NPAS4: variants seen among roughly 807,000 people sequenced by gnomAD.
NPAS4 encodes neuronal PAS domain protein 4.
NPAS4 carries 10 observed loss-of-function variants against 64.0 expected under a neutral mutation model. That is an observed-to-expected ratio of 0.16 (90% CI 0.10 to 0.26). The LOEUF (loss-of-function observed/expected upper bound fraction) is 0.26. NPAS4 is among the 10% of genes least tolerant of loss of function. The probability of loss-of-function intolerance (pLI) is 1.00; values close to 1 mark genes in which losing one functional copy is unlikely to be tolerated. For synonymous variants in NPAS4, 441 were observed against 411.7 expected, an observed-to-expected ratio of 1.07 and a Z score of -0.86; for missense variants, 886 against 992.6, an observed-to-expected ratio of 0.89 and a Z score of 1.44.
Position 66,424,020 on chromosome 11 carries a change from G to A in NPAS4, c.1130G>A (p.Ser377Asn), listed in dbSNP as rs770700994. ...GCTCCCAGAAGCACCAGCTTCCCCA[G>A]TGCTCCTGAACTGAGTGTTGTCTCT... ...LGAPRSTSFP[S>N]APELSVVSAS... The change falls in exon 7 of 8, where the codon AGT (serine) becomes AAT (asparagine). Residue 377 changes from serine to asparagine, a missense_variant. Coordinates refer to ENST00000311034, the MANE Select transcript of NPAS4 (RefSeq NM_178864.4). 1 of 1,614,010 alleles carries A rather than the reference G, an allele frequency of 6.2e-7. No individual in the cohort carries two copies. The highest frequency in any genetic ancestry group is 1.1e-5 in the South Asian group (1 of 91,090).
chr11:66,423,768 CA>C, intron 6 of NPAS4, 55 bp downstream of exon 6: 1 of 1,609,918 alleles, frequency 6.2e-7, no homozygotes, highest in East Asian at 2.2e-5. Context: ...GGAGGAGACA[CA>C]AATCAGGGAA....
Position 66,424,470 on chromosome 11 carries a change from C to T in NPAS4, c.1580C>T (p.Ala527Val), listed in dbSNP as rs140732702. ...ATFPEPLGSP[A>V]HEQLTPPSTA... is the part of the protein sequence containing the mutation. Reference sequence around the variant, plus strand: ...TTCCCAGAGCCTCTGGGCAGCCCTGCCCATGAACAGCTGACTCCTCCCAGC... The same window carrying T: ...TTCCCAGAGCCTCTGGGCAGCCCTGTCCATGAACAGCTGACTCCTCCCAGC... The change falls in exon 7 of 8, where the codon GCC becomes GTC. Residue 527 changes from alanine to valine, a missense_variant. Around this residue, in one of 3 missense-constraint regions of NPAS4, gnomAD observed 820 missense variants for 855.5 expected, o/e 0.96. Transcript: ENST00000311034. 1.2e-6 allele frequency: 2 copies of T among 1,614,048 alleles called. No individual in the cohort carries two copies. Among genetic ancestry groups the T allele is most frequent in the Non-Finnish European group, 1.7e-6 (2 of 1,180,034 alleles).
chr11:66,416,087 G>T (rs1199075579), upstream of NPAS4, among the ~76,000 whole-genome samples: 4 of 152,190 alleles, frequency 2.6e-5, no homozygotes, highest in Non-Finnish European at 4.4e-5. Context: ...AGATGACAGA[G>T]CAAGACTGTA....
chr11:66,424,707 C>T lies in NPAS4; in HGVS notation c.1817C>T (p.Pro606Leu). Residue 606 changes from proline to leucine, a missense_variant, in exon 7 of 8, where the codon CCC (proline) becomes CTC (leucine). Physicochemically the swap from Pro to Leu is moderately conservative, Grantham distance 98. This residue lies in a region of NPAS4 where 820 missense variants were observed against 855.5 expected (regional missense o/e 0.96). Transcript: ENST00000311034. Reference sequence around the variant, plus strand: ...CTCTCTGTGGATGTCCCCCTGGTGCCCGAAGGCCTGCTCACACCTGAGGCC... The same window carrying T: ...CTCTCTGTGGATGTCCCCCTGGTGCTCGAAGGCCTGCTCACACCTGAGGCC... ...GPLSVDVPLV[P>L]EGLLTPEASP... is the part of the protein sequence containing the mutation. 6.2e-7 allele frequency: 1 copy of T among 1,613,076 alleles called. No individual in the cohort carries two copies. The highest frequency in any genetic ancestry group is 8.5e-7 in the Non-Finnish European group (1 of 1,179,406).
In NPAS4 at chr11:66,424,080, T is replaced by G. The variant is rs1179477462; in HGVS notation, c.1190T>G (p.Leu397Arg). Residue 397 changes from leucine (L) to arginine (R), a missense_variant, in exon 7 of 8, where the codon CTG becomes CGG. Leu to Arg is a moderately radical substitution (Grantham distance 102). Transcript: ENST00000311034. ...GAGCTTCCCCGACCCTCCAAAGAAC[T>G]GGACTTCAGTTACCTGACATTCCCT... The part of the protein sequence containing the change: ...SEELPRPSKE[L>R]DFSYLTFPSG... The G allele has an allele frequency of 6.2e-7, 1 of 1,614,086 alleles. No individual in the cohort carries two copies. The highest frequency in any genetic ancestry group is 1.7e-5 in the Admixed American group (1 of 60,014).
At position 66,423,024 on chromosome 11, in the gene NPAS4, G is replaced by A. The variant is rs189514639; in HGVS notation, c.698+83G>A. 5,003 of 1,541,698 alleles carry A rather than the reference G, an allele frequency of 3.2e-3. 100 individuals carry two copies. Among genetic ancestry groups the A allele is most frequent in the South Asian group, 2.4e-3 (205 of 86,564 alleles). On this transcript the variant is annotated intron_variant, in intron 4 of 7. Coordinates refer to ENST00000311034, the MANE Select transcript of NPAS4 (RefSeq NM_178864.4). ...AGATTCTGGAGTCAGGGGCAGGGAG[G>A]ATGGGGTTTAGGGGGGCAGAGGATC...
In NPAS4 at chr11:66,424,814, T is replaced by C. The variant is rs570246079; in HGVS notation, c.1924T>C (p.Leu642=). The C allele has an allele frequency of 6.2e-7, 1 of 1,613,936 alleles. No individual in the cohort carries two copies. The highest frequency in any genetic ancestry group is 1.1e-5 in the South Asian group (1 of 91,050). ...CCGTCTCATCCAGCAGATTAGCCAA[T>C]TGGCTCAGGGCATGGACAGACCCTT... is the stretch of plus-strand genomic sequence containing the variant. ...IDRLIQQISQ[L]AQGMDRPFSA... is the part of the protein sequence containing the mutation. Residue 642 remains leucine, a synonymous_variant, in exon 7 of 8, where the codon TTG becomes CTG. Coordinates refer to ENST00000311034, the MANE Select transcript of NPAS4 (RefSeq NM_178864.4).
chr11:66,422,567 T>C lies in NPAS4; in HGVS notation c.430+14T>C, dbSNP rs774999808. 6.2e-7 allele frequency: 1 copy of C among 1,609,022 alleles called. No individual in the cohort carries two copies. Among genetic ancestry groups the C allele is most frequent in the Non-Finnish European group, 8.5e-7 (1 of 1,175,456 alleles). On this transcript the variant is annotated intron_variant, in intron 3 of 7. Coordinates refer to ENST00000311034, the MANE Select transcript of NPAS4 (RefSeq NM_178864.4). ...CCCTGGACACTGGTAAGGACTCCCT[T>C]CTCCCTTCCTCGGTCCAATTTCCCA... is the stretch of plus-strand genomic sequence containing the variant.
At chr11:66,419,155 C>A (rs1312116984), upstream of NPAS4, among the ~76,000 whole-genome samples, 2 of 152,012 alleles carry the variant, frequency 1.3e-5, no homozygotes, top group African/African-American at 4.8e-5. Context: ...CAACACAGAC[C>A]CATGTCCAGG....
upstream of NPAS4, among the ~76,000 whole-genome samples, chr11:66,420,095 CAG>C (rs1384060397): frequency 6.6e-6 from 1 of 152,236 alleles, no homozygotes; most frequent in Non-Finnish European, 1.5e-5. Context: ...CGCGGGGAGA[CAG>C]AGGCTGGCAG....
chr11:66,420,193 A>G (rs1295460341), upstream of NPAS4, among the ~76,000 whole-genome samples: 2 of 152,232 alleles, frequency 1.3e-5, no homozygotes, highest in African/African-American at 4.8e-5. Flanking sequence ...CCGTGCCCCC[A>G]CGTCCCTGCC....
At chr11:66,419,917 T>G (rs1193979698), upstream of NPAS4, among the ~76,000 whole-genome samples, 2 of 152,156 alleles carry the variant, frequency 1.3e-5, no homozygotes, top group Non-Finnish European at 2.9e-5. Context: ...GCGCTGCCCC[T>G]TCGCTTCTCA....
rs1256392272 is a variant in NPAS4, at chr11:66,424,390, G to C, written c.1500G>C (p.Gln500His). ...CCTCGGTCAGAAGCTATGAAGACCA[G>C]TTGACTCCCTGCACCTCCACCTTCC... ...TETSVRSYEDQLTPCTSTFPD... is the reference protein window; with the variant it reads ...TETSVRSYEDHLTPCTSTFPD... Residue 500 changes from glutamine to histidine, a missense_variant, in exon 7 of 8, where the codon CAG becomes CAC. Coordinates refer to ENST00000311034, the MANE Select transcript of NPAS4 (RefSeq NM_178864.4). 1 of 1,614,096 alleles carries C rather than the reference G, an allele frequency of 6.2e-7. No homozygotes were observed. The highest frequency in any genetic ancestry group is 1.1e-5 in the South Asian group (1 of 91,072).
Position 66,421,081 on chromosome 11 carries a change from A to C in NPAS4, c.-99A>C. ...CCCAGGAGAGCAGAGAGCGAGCCTG[A>C]GCGAGAGACGGGGAAGCACGGAGGA... On this transcript the variant is annotated 5_prime_UTR_variant, in exon 1 of 8. Transcript: ENST00000311034. 1 of 1,061,808 alleles carries C rather than the reference A, an allele frequency of 9.4e-7. No individual in the cohort carries two copies. Among genetic ancestry groups the C allele is most frequent in the East Asian group, 2.6e-5 (1 of 38,452 alleles). The allele number at this position is 1,061,808 out of a possible 1,614,324, so 65.8% of individuals were successfully genotyped here. A position where few individuals can be genotyped will look rare whatever the true frequency, so the allele number is the denominator to read the frequency against.
chr11:66,412,326 G>A, the NPAS4 span, among the ~76,000 whole-genome samples: 3 of 152,216 alleles, frequency 2.0e-5, no homozygotes, highest in African/African-American at 7.2e-5. Flanking sequence ...GAAGGAGCCT[G>A]CTGGGGCCCG....
At chr11:66,415,809 A>G in the NPAS4 span, among the ~76,000 whole-genome samples, 1 of 152,214 alleles carries the variant, frequency 6.6e-6, no homozygotes, top group African/African-American at 2.4e-5. Context: ...TTGTTTCACC[A>G]TCTATCAAAT....
At chr11:66,421,640 C>T (rs1856743762) in intron 1 of NPAS4, among the ~76,000 whole-genome samples, 1 of 152,254 alleles carries the variant, frequency 6.6e-6, no homozygotes, top group African/African-American at 2.4e-5. Context: ...TGCAGAAGCG[C>T]TCCGGGAGCC....
the NPAS4 span, among the ~76,000 whole-genome samples, chr11:66,412,682 G>A: frequency 3.3e-5 from 5 of 152,260 alleles, no homozygotes; most frequent in South Asian, 1.0e-3. Context: ...CTTGATAGGG[G>A]TGCCATCATT....
chr11:66,413,636 C>T, the NPAS4 span, among the ~76,000 whole-genome samples: 2 of 152,228 alleles, frequency 1.3e-5, no homozygotes, highest in Non-Finnish European at 2.9e-5. Flanking sequence ...GGCTACCTGG[C>T]ACTGTGTTGA....
Sources: allele counts gnomAD v4.1 joint callset (sites outside exome capture counted in the v4.1 genomes callset), GRCh38; gene constraint gnomAD v4.1.1; regional missense constraint gnomAD v4.1.1; transcripts MANE v1.5; gene names NCBI Gene and HGNC (gene_info 2026-07-23, HGNC 2026-07-21).